MYC: variants seen among roughly 807,000 people sequenced by gnomAD.
MYC encodes MYC proto-oncogene, bHLH transcription factor, also known as myc proto-oncogene protein.
MYC carries 1 observed loss-of-function variant against 30.5 expected under a neutral mutation model. The ratio of observed to expected loss-of-function variants is 0.03; its 90% CI spans 0.01 to 0.16. The LOEUF (loss-of-function observed/expected upper bound fraction) is 0.16, where lower values mean the gene tolerates loss of function less well. Among genes scored for constraint, MYC ranks in the 10% least tolerant of loss-of-function variants. The probability of loss-of-function intolerance (pLI) is 1.00; values close to 1 mark genes in which losing one functional copy is unlikely to be tolerated. For synonymous variants in MYC, 267 were observed against 250.7 expected (o/e 1.07, Z -0.62); for missense variants, 508 against 589.0 (o/e 0.86, Z 1.42).
rs747126564 is a variant in MYC at position 127,740,565 on chromosome 8, C to T, written c.972C>T (p.Tyr324=). 2 of 1,614,072 alleles carry T rather than the reference C, an allele frequency of 1.2e-6. No homozygotes were observed. Among genetic ancestry groups the T allele is most frequent in the South Asian group, 1.1e-5 (1 of 91,070 alleles). The change falls in exon 3 of 3, where the codon TAC becomes TAT. Residue 324 remains tyrosine (Y), a synonymous_variant. Coordinates refer to ENST00000621592, the MANE Select transcript of MYC (RefSeq NM_002467.6). ...ACGTCTCCACACATCAGCACAACTACGCAGCGCCTCCCTCCACTCGGAAGG... is the reference window on the plus strand; with the variant it reads ...ACGTCTCCACACATCAGCACAACTATGCAGCGCCTCCCTCCACTCGGAAGG...
chr8:127,735,583 T>TA, upstream of MYC: 1 of 399,186 alleles, frequency 2.5e-6, no homozygotes, highest in Non-Finnish European at 4.4e-6. Context: ...CGCCCATTAA[T>TA]ACCCTTCTTT....
At chr8:127,739,670 A>AT (rs1218354183) in intron 2 of MYC, among the ~76,000 whole-genome samples, 3 of 119,260 alleles carry the variant, frequency 2.5e-5, no homozygotes, top group Non-Finnish European at 5.5e-5. Flanking sequence ...TTTTTTTTTT[A>AT]TTTTTCATTT....
At chr8:127,735,706 C>T (rs1008377306), upstream of MYC, 3 of 398,910 alleles carry the variant, frequency 7.5e-6, no homozygotes, top group South Asian at 3.8e-4. Context: ...AGTGCGTTCT[C>T]GGTGTGGAGG....
In MYC at chr8:127,740,827, A is replaced by T. The variant is rs2130107263; in HGVS notation, c.1234A>T (p.Lys412Ter). The change falls in exon 3 of 3, where the codon AAA becomes TAA. Residue 412 changes from lysine to a stop codon, truncating the protein, a stop_gained. Coordinates refer to ENST00000621592, the MANE Select transcript of MYC (RefSeq NM_002467.6). LOFTEE classifies it low-confidence loss of function (END_TRUNC). ...AAAGGCCCCCAAGGTAGTTATCCTT[A>T]AAAAAGCCACAGCATACATCCTGTC... 6.2e-7 allele frequency: 1 copy of T among 1,614,170 alleles called. No homozygotes were observed. Among genetic ancestry groups the T allele is most frequent in the Non-Finnish European group, 8.5e-7 (1 of 1,180,030 alleles).
rs545330879 is a variant in MYC at position 127,738,954 on chromosome 8, C to G, written c.737C>G (p.Pro246Arg). ...CTGCTCTCCTCGACGGAGTCCTCCC[C>G]GCAGGGCAGCCCCGAGCCCCTGGTG... Residue 246 changes from proline (P) to arginine (R), a missense_variant, in exon 2 of 3, where the codon CCG becomes CGG. By Grantham distance (103) the Pro-to-Arg change is moderately radical. Transcript: ENST00000621592. This position sits in a 1 kb window ranked among gnomAD's most constrained non-coding sequence, Gnocchi z 7.6. 29 of 1,588,994 alleles carry G rather than the reference C, an allele frequency of 1.8e-5. No homozygotes were observed. Among genetic ancestry groups the G allele is most frequent in the African/African-American group, 5.4e-5 (4 of 74,418 alleles).
rs1813723551 is a variant in MYC at position 127,742,267 on chromosome 8, G to T, written c.*1309G>T. Reference sequence around the variant, plus strand: ...ATTAGAAGTAGAGAGGGAAGCTGAGGCACACAAAGACTCATCCACATGCCC... The same window carrying T: ...ATTAGAAGTAGAGAGGGAAGCTGAGTCACACAAAGACTCATCCACATGCCC... On this transcript the variant is annotated 3_prime_UTR_variant, in exon 3 of 3. Coordinates refer to ENST00000621592, the MANE Select transcript of MYC (RefSeq NM_002467.6). Among the ~76,000 whole-genome samples, 1 of 152,188 alleles carries T rather than the reference G, an allele frequency of 6.6e-6. No individual in the cohort carries two copies. The highest frequency in any genetic ancestry group is 1.9e-4 in the East Asian group (1 of 5,200).
In MYC at chr8:127,738,661, T is replaced by C. The variant is rs766646127; in HGVS notation, c.444T>C (p.Cys148=). 1.2e-6 allele frequency: 2 copies of C among 1,614,004 alleles called. No individual in the cohort carries two copies. The highest frequency in any genetic ancestry group is 4.5e-5 in the East Asian group (2 of 44,880). ...TCAAAAACATCATCATCCAGGACTG[T>C]ATGTGGAGCGGCTTCTCGGCCGCCG... Residue 148 remains cysteine (C), a synonymous_variant, in exon 2 of 3, where the codon TGT becomes TGC. Coordinates refer to ENST00000621592, the MANE Select transcript of MYC (RefSeq NM_002467.6). The surrounding 1 kb of genome is among the most constrained non-coding windows in gnomAD (Gnocchi z 7.6).
chr8:127,739,209 C>T (rs1813665479), intron 2 of MYC, among the ~76,000 whole-genome samples, 190 bp downstream of exon 2: 11 of 152,204 alleles, frequency 7.2e-5, no homozygotes, highest in Admixed American at 7.2e-4. Flanking sequence ...TTAGACTGCC[C>T]ATGTTTGCAG....
At chr8:127,737,216 T>C (rs1350678252) in intron 1 of MYC, among the ~76,000 whole-genome samples, 1 of 152,266 alleles carries the variant, frequency 6.6e-6, no homozygotes, top group African/African-American at 2.4e-5. Flanking sequence ...TTTGGCTTTT[T>C]AAAAAGCAAT....
chr8:127,742,893 G>A lies in MYC; in HGVS notation c.*1935G>A, dbSNP rs539515638. Among the ~76,000 whole-genome samples the A allele has an allele frequency of 8.5e-5, 13 of 152,276 alleles. No homozygotes were observed. The South Asian group carries it at 2.3e-3, about 27-fold the overall frequency. ...TCTCAAAGTAGGTCTTCAGCTCCCTGTACTTTGGGATTTTAATCTACCACC... is the reference window on the plus strand; with the variant it reads ...TCTCAAAGTAGGTCTTCAGCTCCCTATACTTTGGGATTTTAATCTACCACC... On this transcript the variant is annotated 3_prime_UTR_variant, in exon 3 of 3. Transcript: ENST00000621592.
Position 127,740,958 on chromosome 8 carries a change from A to C in MYC, c.1365A>C (p.Ter455TyrextTer19). 1.9e-6 allele frequency: 3 copies of C among 1,540,644 alleles called. No individual in the cohort carries two copies. Among genetic ancestry groups the C allele is most frequent in the Non-Finnish European group, 1.7e-6 (2 of 1,149,124 alleles). Residue 455 changes from the stop codon to tyrosine (Y), a stop_lost, in exon 3 of 3, where the codon TAA becomes TAC. Coordinates refer to ENST00000621592, the MANE Select transcript of MYC (RefSeq NM_002467.6). ...AACAGCTACGGAACTCTTGTGCGTA[A>C]GGAAAAGTAAGGAAAACGATTCCTT...
intron 2 of MYC, among the ~76,000 whole-genome samples, chr8:127,740,171 A>G: frequency 6.6e-6 from 1 of 151,918 alleles, no homozygotes; most frequent in East Asian, 1.9e-4. Context: ...GTTGGCCAGG[A>G]TGGTCTCTCC....
intron 2 of MYC, among the ~76,000 whole-genome samples, chr8:127,740,004 C>T (rs1302365559): frequency 6.7e-6 from 1 of 150,016 alleles, no homozygotes; most frequent in Non-Finnish European, 1.5e-5. Flanking sequence ...CGGAGTCTCA[C>T]TCTGTCACTA....
rs562624244 is a variant in MYC, at chr8:127,741,369, A to AT, written c.*418dup. 54 of 230,720 alleles carry AT rather than the reference A, an allele frequency of 2.3e-4. No individual in the cohort carries two copies. The South Asian group carries it at 2.5e-3, about 11-fold the overall frequency. The allele number at this position is 230,720 out of a possible 1,614,324, so 14.3% of individuals were successfully genotyped here. A position where few individuals can be genotyped will look rare whatever the true frequency, so the allele number is the denominator to read the frequency against. On this transcript the variant is annotated 3_prime_UTR_variant, in exon 3 of 3. Coordinates refer to ENST00000621592, the MANE Select transcript of MYC (RefSeq NM_002467.6). ...AAGTACATTTTGCTTTTTAAAGTTG[A>AT]TTTTTTTCTATTGTTTTTAGAAAAA...
chr8:127,735,866 C>G (rs1813574499), upstream of MYC: 1 of 398,704 alleles, frequency 2.5e-6, no homozygotes, highest in Non-Finnish European at 4.4e-6. Context: ...TCATGCGGCT[C>G]TCTTACTCTG....
Position 127,741,881 on chromosome 8 carries a change from C to T in MYC, c.*923C>T, listed in dbSNP as rs183850214. Among the ~76,000 whole-genome samples, 9 of 152,284 alleles carry T rather than the reference C, an allele frequency of 5.9e-5. No homozygotes were observed. Among genetic ancestry groups the T allele is most frequent in the African/African-American group, 1.9e-4 (8 of 41,556 alleles). On this transcript the variant is annotated 3_prime_UTR_variant, in exon 3 of 3. Transcript: ENST00000621592. ...AGCTTCTGCTGCCTTCACAACCAGG[C>T]GCCAGTCCTGTCCATGGGTTATCTC... is the stretch of plus-strand genomic sequence containing the variant.
intron 1 of MYC, among the ~76,000 whole-genome samples, chr8:127,737,501 C>T (rs1813613701): frequency 6.6e-6 from 1 of 152,156 alleles, no homozygotes. Context: ...GGAGGTATCG[C>T]AGCGGGGTCT....
intron 2 of MYC, among the ~76,000 whole-genome samples, chr8:127,740,171 A>C (rs1813684802): frequency 6.6e-6 from 1 of 151,918 alleles, no homozygotes; most frequent in Non-Finnish European, 1.5e-5. Flanking sequence ...GTTGGCCAGG[A>C]TGGTCTCTCC....
intron 2 of MYC, 31 bp downstream of exon 2, chr8:127,739,050 G>A (rs1380200522): frequency 6.9e-7 from 1 of 1,456,600 alleles, no homozygotes; most frequent in Non-Finnish European, 9.0e-7. Flanking sequence ...CCTGTCAAAA[G>A]TGGGCGGCTG....
Sources: allele counts gnomAD v4.1 joint callset (sites outside exome capture counted in the v4.1 genomes callset), GRCh38; gene constraint gnomAD v4.1.1; non-coding constraint Gnocchi (gnomAD v3.1); transcripts MANE v1.5; gene names NCBI Gene and HGNC (gene_info 2026-07-23, HGNC 2026-07-21).